KCNN2: variants seen among roughly 807,000 people sequenced by gnomAD.
The protein encoded by KCNN2 is potassium calcium-activated channel subfamily N member 2, also known as small conductance calcium-activated potassium channel protein 2.
Under a neutral mutation model 55.5 loss-of-function variants are expected in KCNN2, and 24 were observed. The observed-to-expected ratio is 0.43, with a 90% CI of 0.31 to 0.61. The LOEUF is 0.61. KCNN2 is among the 20% of genes least tolerant of loss of function. The pLI, the probability that KCNN2 is intolerant of heterozygous loss-of-function variation, is 0.08. For missense variants in KCNN2, 754 were observed against 853.6 expected, an observed-to-expected ratio of 0.88 and a Z score of 1.45; for synonymous variants, 431 against 336.1, an observed-to-expected ratio of 1.28 and a Z score of -3.09.
At chr5:114,282,388 G>C (rs1197838777) in intron 2 of KCNN2, among the ~76,000 whole-genome samples, 1 of 151,998 alleles carries the variant, frequency 6.6e-6, no homozygotes, top group Non-Finnish European at 1.5e-5. Flanking sequence ...ATGTTGCAGA[G>C]AACTTAAAGA....
chr5:114,299,642 C>T (rs1053962455), intron 2 of KCNN2, among the ~76,000 whole-genome samples: 3 of 152,158 alleles, frequency 2.0e-5, no homozygotes, highest in South Asian at 2.1e-4. Flanking sequence ...CACAGCCTAT[C>T]CCATCTAGTC....
intron 1 of KCNN2, among the ~76,000 whole-genome samples, chr5:114,078,931 GTCA>G (rs1486990784): frequency 6.6e-6 from 1 of 152,160 alleles, no homozygotes; most frequent in Admixed American, 6.5e-5. Context: ...GAAAGAATGT[GTCA>G]TCATTTTTTT....
chr5:114,419,258 G>A (rs535246978), intron 3 of KCNN2, among the ~76,000 whole-genome samples: 1 of 152,302 alleles, frequency 6.6e-6, no homozygotes, highest in South Asian at 2.1e-4. Context: ...GCTAAGAATA[G>A]TTTTCACATT....
intron 1 of KCNN2, among the ~76,000 whole-genome samples, chr5:114,181,520 T>G (rs1753240217): frequency 6.6e-6 from 1 of 152,166 alleles, no homozygotes; most frequent in South Asian, 2.1e-4. Context: ...AATTTCTCCT[T>G]GTATTGAATA....
At position 114,272,952 on chromosome 5, in the gene KCNN2, C is replaced by T. The variant is rs532326106; in HGVS notation, c.-185+51387C>T. Among the ~76,000 whole-genome samples, 13 of 152,070 alleles carry T rather than the reference C, an allele frequency of 8.5e-5. No individual in the cohort carries two copies. In the East Asian group the frequency reaches 1.5e-3, roughly 18 times the overall value. On this transcript the variant is annotated intron_variant, in intron 2 of 10. Coordinates refer to the KCNN2 transcript ENST00000512097. ...TGCAGTTTCGTTACATAGGTATACA[C>T]GTGCCATGAGTGTTTGCTGCACCCA...
intron 1 of KCNN2, among the ~76,000 whole-genome samples, chr5:114,096,776 TAC>T (rs895511590): frequency 2.0e-5 from 3 of 152,196 alleles, no homozygotes; most frequent in Admixed American, 6.5e-5. Flanking sequence ...CCTGGTGATC[TAC>T]CATCCTAATT....
Position 114,324,590 on chromosome 5 carries a change from G to A in KCNN2, c.-184-36355G>A, listed in dbSNP as rs184784667. 1.8e-3 allele frequency among the ~76,000 whole-genome samples: 276 copies of A among 152,322 alleles called. 1 individual carries two copies. Among genetic ancestry groups the A allele is most frequent in the African/African-American group, 6.1e-3 (253 of 41,576 alleles). ...GCTGACATCTTGATTTTAGCCCAGT[G>A]AAACCCATTTTGGACTTCTAATCTA... is the stretch of plus-strand genomic sequence containing the variant. On this transcript the variant is annotated intron_variant, in intron 2 of 10. Transcript: ENST00000512097.
At chr5:114,196,228 T>C (rs1420356412) in intron 1 of KCNN2, among the ~76,000 whole-genome samples, 1 of 151,966 alleles carries the variant, frequency 6.6e-6, no homozygotes, top group African/African-American at 2.4e-5. Context: ...TTGGAAATGG[T>C]GTATACTGGT....
intron 2 of KCNN2, among the ~76,000 whole-genome samples, chr5:114,399,623 A>G (rs1475103994): frequency 2.0e-5 from 3 of 152,164 alleles, no homozygotes; most frequent in Admixed American, 2.0e-4. Context: ...GGAATGTGAT[A>G]GGGAGAAGTG....
intron 1 of KCNN2, among the ~76,000 whole-genome samples, chr5:114,204,388 A>C (rs1442097416): frequency 6.6e-6 from 1 of 152,228 alleles, no homozygotes; most frequent in Non-Finnish European, 1.5e-5. Flanking sequence ...TAAAAAATAA[A>C]AAATAAAAAA....
intron 5 of KCNN2, among the ~76,000 whole-genome samples, chr5:114,474,642 GT>G (rs1214295218): frequency 6.6e-6 from 1 of 152,168 alleles, no homozygotes; most frequent in Non-Finnish European, 1.5e-5. Flanking sequence ...TGGAGCAGAT[GT>G]TTTGTGTATT....
At chr5:114,463,722 T>A (rs1164514997) in intron 4 of KCNN2, among the ~76,000 whole-genome samples, 1 of 152,188 alleles carries the variant, frequency 6.6e-6, no homozygotes, top group African/African-American at 2.4e-5. Context: ...AAGGGAAGAC[T>A]TGCATTTTAA....
At chr5:114,137,194 G>A (rs1240302212) in intron 1 of KCNN2, among the ~76,000 whole-genome samples, 2 of 152,106 alleles carry the variant, frequency 1.3e-5, no homozygotes, top group Non-Finnish European at 2.9e-5. Context: ...AGGTCATGAA[G>A]TCCCCTTGTT....
chr5:114,131,821 C>G (rs1752077914), intron 1 of KCNN2, among the ~76,000 whole-genome samples: 1 of 152,186 alleles, frequency 6.6e-6, no homozygotes. Flanking sequence ...TAATCACTAT[C>G]TGACTGGCAT....
chr5:114,425,200 T>G (rs73782238), intron 3 of KCNN2, among the ~76,000 whole-genome samples: 10,857 of 152,286 alleles, frequency 0.071, 465 homozygotes, highest in African/African-American at 0.13. Context: ...GGCTTAACTA[T>G]CATGCTTTTA....
intron 1 of KCNN2, among the ~76,000 whole-genome samples, chr5:114,121,455 C>T (rs972464077): frequency 2.0e-5 from 3 of 152,160 alleles, no homozygotes; most frequent in Admixed American, 6.5e-5. Flanking sequence ...ATCCCTTAGA[C>T]CTGAGCCATG....
At chr5:114,326,822 A>G (rs537998245) in intron 2 of KCNN2, among the ~76,000 whole-genome samples, 2 of 152,316 alleles carry the variant, frequency 1.3e-5, no homozygotes, top group East Asian at 3.9e-4. Flanking sequence ...ATAAGGGAAT[A>G]TAGCTATAGC....
At chr5:114,258,948 G>A (rs1755042062) in intron 2 of KCNN2, among the ~76,000 whole-genome samples, 2 of 152,274 alleles carry the variant, frequency 1.3e-5, no homozygotes, top group South Asian at 4.1e-4. Context: ...CCACCAGTGG[G>A]GCTGCAGCTG....
chr5:114,201,868 G>T (rs561617784), intron 1 of KCNN2, among the ~76,000 whole-genome samples: 2 of 151,910 alleles, frequency 1.3e-5, no homozygotes, highest in South Asian at 4.2e-4. Flanking sequence ...CTGCAGCCTT[G>T]TCAGCCCAAT....
Sources: allele counts gnomAD v4.1 joint callset (sites outside exome capture counted in the v4.1 genomes callset), GRCh38; gene constraint gnomAD v4.1.1; transcripts MANE v1.5; gene names NCBI Gene and HGNC (gene_info 2026-07-23, HGNC 2026-07-21).